Variants in LCORL observed in about 807,000 individuals in gnomAD.
LCORL encodes the protein ligand-dependent nuclear receptor corepressor-like protein.
LCORL carries 41 observed loss-of-function variants against 141.8 expected under a neutral mutation model. That is an observed-to-expected ratio of 0.29 (90% CI 0.23 to 0.38). The LOEUF is 0.38. LCORL is among the 10% of genes least tolerant of loss of function. The pLI, the probability that LCORL is intolerant of heterozygous loss-of-function variation, is 1.00. For synonymous variants in LCORL, 618 were observed against 694.1 expected, an observed-to-expected ratio of 0.89 and a Z score of 1.72; for missense variants, 1,759 against 2,035.0, an observed-to-expected ratio of 0.86 and a Z score of 2.61.
chr4:18,017,898 C>T (rs1724867144), intron 1 of LCORL, among the ~76,000 whole-genome samples: 1 of 152,046 alleles, frequency 6.6e-6, no homozygotes, highest in African/African-American at 2.4e-5. Context: ...TAAAAATATA[C>T]ACTGAAGAAT....
intron 4 of LCORL, among the ~76,000 whole-genome samples, chr4:17,946,000 C>T (rs2109506521): frequency 6.6e-6 from 1 of 151,986 alleles, no homozygotes; most frequent in African/African-American, 2.4e-5. Context: ...AAGCAGACAT[C>T]TAAGACATAT....
intron 4 of LCORL, among the ~76,000 whole-genome samples, chr4:17,947,353 G>A (rs1322005397): frequency 6.6e-6 from 1 of 151,952 alleles, no homozygotes; most frequent in South Asian, 2.1e-4. Flanking sequence ...AAGAAGCAGA[G>A]AGCAGAATAG....
chr4:17,867,004 A>G (rs1725753405), intron 7 of LCORL: 1 of 984,974 alleles, frequency 1.0e-6, no homozygotes, highest in Admixed American at 6.1e-5. Flanking sequence ...CTTACCTCAG[A>G]TAGAGAAAGC....
chr4:17,889,641 A>G (rs926378411), intron 5 of LCORL, among the ~76,000 whole-genome samples: 5 of 152,004 alleles, frequency 3.3e-5, no homozygotes, highest in African/African-American at 1.2e-4. Context: ...AAGGGCTGGA[A>G]AAGTCAAAAG....
intron 1 of LCORL, among the ~76,000 whole-genome samples, chr4:18,000,753 T>A (rs1034673794): frequency 6.6e-6 from 1 of 152,160 alleles, no homozygotes; most frequent in Non-Finnish European, 1.5e-5. Context: ...CTATTCATAT[T>A]TTACAGGGAG....
chr4:17,947,010 T>C (rs1738987729), intron 4 of LCORL, among the ~76,000 whole-genome samples: 1 of 152,010 alleles, frequency 6.6e-6, no homozygotes, highest in South Asian at 2.1e-4. Context: ...CACTTCCGGG[T>C]ATTCACCCAA....
intron 2 of LCORL, among the ~76,000 whole-genome samples, chr4:17,964,866 C>CTT (rs1553878210): frequency 1.4e-5 from 2 of 141,514 alleles, no homozygotes; most frequent in Non-Finnish European, 1.6e-5. Flanking sequence ...TCTTACTGCC[C>CTT]TTTTTTTTTT....
chr4:17,884,347 A>C lies in LCORL; in HGVS notation c.776+1721T>G. 6.5e-7 allele frequency: 1 copy of C among 1,546,478 alleles called. No homozygotes were observed. The highest frequency in any genetic ancestry group is 8.7e-7 in the Non-Finnish European group (1 of 1,145,324). On this transcript the variant is annotated intron_variant, in intron 6 of 7. Transcript: ENST00000635767. The surrounding 1 kb of genome is among the most constrained non-coding windows in gnomAD (Gnocchi z 4.4). ...ATTGGAGGCTTTCATTTTTTTCTTT[A>C]AACTGAGTGACCATTTTCTGTAGAG...
intron 1 of LCORL, among the ~76,000 whole-genome samples, chr4:17,980,170 C>G (rs1339850826): frequency 6.6e-6 from 1 of 152,130 alleles, no homozygotes; most frequent in Non-Finnish European, 1.5e-5. Context: ...TTGTGGTATT[C>G]GTTACAACAC....
chr4:17,987,268 C>T (rs1305648960), intron 1 of LCORL, among the ~76,000 whole-genome samples: 2 of 152,146 alleles, frequency 1.3e-5, no homozygotes, highest in African/African-American at 2.4e-5. Flanking sequence ...CTTTCCATTT[C>T]TATACATTTG....
chr4:17,939,207 T>C (rs955134267), intron 4 of LCORL, among the ~76,000 whole-genome samples: 1 of 152,188 alleles, frequency 6.6e-6, no homozygotes, highest in Non-Finnish European at 1.5e-5. Context: ...ATCAAAGATA[T>C]GCAATTTAAA....
intron 4 of LCORL, among the ~76,000 whole-genome samples, chr4:17,918,676 G>A (rs1344953978): frequency 6.6e-6 from 1 of 152,190 alleles, no homozygotes; most frequent in South Asian, 2.1e-4. Flanking sequence ...AAGATGCAGA[G>A]GGTAGGTAAA....
intron 4 of LCORL, among the ~76,000 whole-genome samples, chr4:17,949,098 G>C (rs1018202334): frequency 4.6e-5 from 7 of 152,142 alleles, no homozygotes; most frequent in Non-Finnish European, 7.4e-5. Flanking sequence ...AGCAGGTAGA[G>C]AGTACCATCA....
intron 1 of LCORL, among the ~76,000 whole-genome samples, chr4:17,980,838 A>G (rs1337145085): frequency 2.0e-5 from 3 of 152,078 alleles, no homozygotes; most frequent in Non-Finnish European, 2.9e-5. Context: ...CGTGAGCCCT[A>G]TTATCAACTG....
At chr4:17,892,549 T>A (rs1225002889) in intron 5 of LCORL, among the ~76,000 whole-genome samples, 2 of 152,172 alleles carry the variant, frequency 1.3e-5, no homozygotes, top group East Asian at 3.8e-4. Context: ...TTCTTCCCGA[T>A]GTGTTTTGTT....
intron 4 of LCORL, chr4:17,960,300 T>C (rs1165985266): frequency 6.5e-6 from 1 of 154,344 alleles, no homozygotes; most frequent in East Asian, 1.9e-4. Context: ...GAGACCCAGA[T>C]GCTTGAATCA....
intron 4 of LCORL, among the ~76,000 whole-genome samples, chr4:17,938,017 T>TC (rs1737157150): frequency 6.6e-6 from 1 of 151,410 alleles, no homozygotes; most frequent in African/African-American, 2.4e-5. Context: ...TTTTTTTTTT[T>TC]TTTTGAGACA....
chr4:17,842,521 GTCTA>G, exon 8 of LCORL: 1 of 658,720 alleles, frequency 1.5e-6, no homozygotes. Context: ...TAGGTATATA[GTCTA>G]AAATTCCATC....
At chr4:17,845,815 A>C in exon 8 of LCORL, 1 of 1,613,530 alleles carries the variant, frequency 6.2e-7, no homozygotes, top group Non-Finnish European at 8.5e-7. Context: ...GGGACGATTA[A>C]GGCACATCTT....
Sources: gnomAD v4.1 joint callset for allele counts (sites outside exome capture counted in the v4.1 genomes callset) on GRCh38, gnomAD v4.1.1 for gene constraint, Gnocchi (gnomAD v3.1) non-coding constraint, MANE v1.5 for transcripts, NCBI Gene and HGNC (gene_info 2026-07-23, HGNC 2026-07-21) for gene names.